Variants in ZFP91 observed in about 807,000 individuals in gnomAD.
ZFP91 encodes E3 ubiquitin-protein ligase ZFP91.
A neutral mutation model predicts 63.5 loss-of-function variants in ZFP91; 7 were observed. That is an observed-to-expected ratio of 0.11 (90% CI 0.06 to 0.21). ZFP91 has a LOEUF of 0.21. ZFP91 is among the 10% of genes least tolerant of loss of function. The pLI, the probability that ZFP91 is intolerant of heterozygous loss-of-function variation, is 1.00. For synonymous variants in ZFP91, 330 were observed against 272.1 expected, an observed-to-expected ratio of 1.21 and a Z score of -2.10; for missense variants, 628 against 736.6, an observed-to-expected ratio of 0.85 and a Z score of 1.71.
chr11:58,582,036 C>G (rs753255112), intron 1 of ZFP91, among the ~76,000 whole-genome samples: 1 of 152,144 alleles, frequency 6.6e-6, no homozygotes, highest in African/African-American at 2.4e-5. Context: ...ACATTTTTAC[C>G]TTATTCCATA....
chr11:58,579,702 C>T, intron 1 of ZFP91, 80 bp downstream of exon 1: 1 of 1,306,864 alleles, frequency 7.7e-7, no homozygotes, highest in East Asian at 2.9e-5. Flanking sequence ...AGCGCCTACT[C>T]CACGTGACAT....
At chr11:58,599,018 C>T (rs1312872174) in intron 2 of ZFP91, among the ~76,000 whole-genome samples, 1 of 151,930 alleles carries the variant, frequency 6.6e-6, no homozygotes, top group Admixed American at 6.6e-5. Flanking sequence ...ATGGATTTAC[C>T]TATTCTGGAT....
chr11:58,593,364 A>C (rs1855341026), intron 2 of ZFP91, among the ~76,000 whole-genome samples: 1 of 152,184 alleles, frequency 6.6e-6, no homozygotes, highest in Admixed American at 6.5e-5. Flanking sequence ...ATTTATACAC[A>C]AATATTTTTC....
rs140465748 is a variant in ZFP91 at position 58,606,525 on chromosome 11, C to T, written c.371-3305C>T. Among the ~76,000 whole-genome samples the T allele has an allele frequency of 2.8e-4, 42 of 152,042 alleles. No individual in the cohort carries two copies. In the Middle Eastern group the frequency reaches 0.017, roughly 62 times the overall value. On this transcript the variant is annotated intron_variant, in intron 2 of 10. Transcript: ENST00000316059. Reference sequence around the variant, plus strand: ...TTTTTTACAACTTTTATTTTAGATTCGGGGGTACATGTGCAGGTTTGTTAC... The same window carrying T: ...TTTTTTACAACTTTTATTTTAGATTTGGGGGTACATGTGCAGGTTTGTTAC...
intron 2 of ZFP91, 25 bp downstream of exon 2, chr11:58,584,909 T>C (rs752937832): frequency 6.7e-7 from 1 of 1,484,988 alleles, no homozygotes; most frequent in Non-Finnish European, 8.9e-7. Context: ...TCCTTACCTC[T>C]AGCGTACATT....
chr11:58,590,882 A>G (rs1193572269), intron 2 of ZFP91, among the ~76,000 whole-genome samples: 2 of 151,168 alleles, frequency 1.3e-5, no homozygotes, highest in Non-Finnish European at 2.9e-5. Context: ...ACCGTTACCT[A>G]ACTGAAGGGC....
chr11:58,611,827 G>T, intron 6 of ZFP91, 89 bp downstream of exon 6: 1 of 1,414,500 alleles, frequency 7.1e-7, no homozygotes, highest in Non-Finnish European at 9.4e-7. Flanking sequence ...GGATGTTGAC[G>T]TATACATGCT....
rs917503352 is a variant in ZFP91, at chr11:58,583,097, A to G, written c.342-1759A>G. Among the ~76,000 whole-genome samples, 9 of 152,194 alleles carry G rather than the reference A, an allele frequency of 5.9e-5. No homozygotes were observed. In the South Asian group the frequency reaches 1.9e-3, roughly 32 times the overall value. On this transcript the variant is annotated intron_variant, in intron 1 of 10. Transcript: ENST00000316059. ...TAAAATCTAGTAGCATTAGTATACT[A>G]GTTTTTGCCTATGATTTTTTTCTGA...
chr11:58,588,379 A>G (rs999935895), intron 2 of ZFP91, among the ~76,000 whole-genome samples: 1 of 152,168 alleles, frequency 6.6e-6, no homozygotes, highest in Non-Finnish European at 1.5e-5. Flanking sequence ...GTTTATCATA[A>G]TCAGCATACT....
intron 2 of ZFP91, among the ~76,000 whole-genome samples, chr11:58,596,598 C>T (rs1241708364): frequency 6.6e-6 from 1 of 152,062 alleles, no homozygotes; most frequent in Non-Finnish European, 1.5e-5. Context: ...CACTCATCTT[C>T]ATCATGTCAT....
In ZFP91 at chr11:58,618,852, T is replaced by G; in HGVS notation, c.*1146T>G. ...ATGGTAACTAGTATGCTCTTTGAGATTTTTACAGTGTTGAAACTTAAGAAT... is the reference window on the plus strand; with the variant it reads ...ATGGTAACTAGTATGCTCTTTGAGAGTTTTACAGTGTTGAAACTTAAGAAT... On this transcript the variant is annotated 3_prime_UTR_variant, in exon 11 of 11. Transcript: ENST00000316059. 1 of 323,684 alleles carries G rather than the reference T, an allele frequency of 3.1e-6. No homozygotes were observed. Among genetic ancestry groups the G allele is most frequent in the Non-Finnish European group, 6.0e-6 (1 of 165,400 alleles). The allele number at this position is 323,684 out of a possible 1,614,324, so 20.1% of individuals were successfully genotyped here. A position where few individuals can be genotyped will look rare whatever the true frequency, so the allele number is the denominator to read the frequency against.
At chr11:58,596,266 A>G (rs1386647321) in intron 2 of ZFP91, among the ~76,000 whole-genome samples, 1 of 152,222 alleles carries the variant, frequency 6.6e-6, no homozygotes, top group Non-Finnish European at 1.5e-5. Context: ...AGGAGGAAGA[A>G]GAAGAATCGT....
rs751868366 is a variant in ZFP91, at chr11:58,584,891, C to G, written c.370+7C>G. On this transcript the variant is annotated splice_region_variant and intron_variant, in intron 2 of 10. Coordinates refer to ENST00000316059, the MANE Select transcript of ZFP91 (RefSeq NM_053023.5). ...AAAGTAACAACTGATAAAGGTAAGA[C>G]TTGGTCATCCTTACCTCTAGCGTAC... 1 of 1,518,584 alleles carries G rather than the reference C, an allele frequency of 6.6e-7. No homozygotes were observed. Among genetic ancestry groups the G allele is most frequent in the East Asian group, 2.6e-5 (1 of 38,252 alleles). The allele number at this position is 1,518,584 out of a possible 1,614,324, so 94.1% of individuals were successfully genotyped here. A position where few individuals can be genotyped will look rare whatever the true frequency, so the allele number is the denominator to read the frequency against.
chr11:58,601,214 A>G (rs1039954159), intron 2 of ZFP91, among the ~76,000 whole-genome samples: 11 of 152,204 alleles, frequency 7.2e-5, no homozygotes, highest in African/African-American at 2.2e-4. Flanking sequence ...GAATCAACCA[A>G]TGAAACCATC....
chr11:58,598,111 T>G (rs1855433145), intron 2 of ZFP91, among the ~76,000 whole-genome samples: 1 of 152,206 alleles, frequency 6.6e-6, no homozygotes, highest in African/African-American at 2.4e-5. Flanking sequence ...ATGAAATTAT[T>G]ATGTACGGAG....
intron 2 of ZFP91, among the ~76,000 whole-genome samples, chr11:58,604,075 A>G (rs2134411242): frequency 6.6e-6 from 1 of 152,308 alleles, no homozygotes; most frequent in African/African-American, 2.4e-5. Flanking sequence ...CATTGGAAGG[A>G]CATAAATTTT....
chr11:58,612,403 T>G, intron 7 of ZFP91, 75 bp downstream of exon 7: 1 of 1,463,720 alleles, frequency 6.8e-7, no homozygotes, highest in Admixed American at 1.9e-5. Flanking sequence ...TTAGACTTCA[T>G]GATAATCCTG....
chr11:58,609,895 T>C lies in ZFP91; in HGVS notation c.436T>C (p.Ser146Pro), dbSNP rs749764195. The stretch of plus-strand genomic sequence containing the variant: ...CCCTCAGGAAGTTTCCATTGCTGCA[T>C]CTAGACCTAGCCGGGGCTGGCGTAG... ...ALPQEVSIAA[S>P]RPSRGWRSSR... Residue 146 changes from serine (S) to proline (P), a missense_variant, in exon 3 of 11, where the codon TCT (serine) becomes CCT (proline). This residue lies in a region of ZFP91 where 437 missense variants were observed against 380.3 expected (regional missense o/e 1.15). Coordinates refer to ENST00000316059, the MANE Select transcript of ZFP91 (RefSeq NM_053023.5). 3.7e-6 allele frequency: 6 copies of C among 1,614,200 alleles called. No individual in the cohort carries two copies. The highest frequency in any genetic ancestry group is 5.1e-6 in the Non-Finnish European group (6 of 1,180,034).
chr11:58,595,109 G>T (rs970974771), intron 2 of ZFP91, among the ~76,000 whole-genome samples: 22 of 152,296 alleles, frequency 1.4e-4, no homozygotes, highest in African/African-American at 4.8e-4. Flanking sequence ...CCCGTGTTCA[G>T]TTCCCTCAGC....
Sources: allele counts gnomAD v4.1 joint callset (sites outside exome capture counted in the v4.1 genomes callset), GRCh38; gene constraint gnomAD v4.1.1; regional missense constraint gnomAD v4.1.1; transcripts MANE v1.5; gene names NCBI Gene and HGNC (gene_info 2026-07-23, HGNC 2026-07-21).